The following GABRG3 variants were observed in gnomAD, a reference collection of about 807,000 sequenced individuals.
GABRG3 encodes gamma-aminobutyric acid type A receptor subunit gamma3, also known as gamma-aminobutyric acid receptor subunit gamma-3.
A neutral mutation model predicts 48.8 loss-of-function variants in GABRG3; 25 were observed. The observed-to-expected ratio is 0.51, with a 90% CI of 0.37 to 0.72. The LOEUF is 0.72. GABRG3 is among the 30% of genes least tolerant of loss of function. GABRG3 has a pLI of 0.00. For synonymous variants in GABRG3, 227 were observed against 217.6 expected, an observed-to-expected ratio of 1.04 and a Z score of -0.38; for missense variants, 394 against 577.9, an observed-to-expected ratio of 0.68 and a Z score of 3.26.
intron 3 of GABRG3, among the ~76,000 whole-genome samples, chr15:27,056,208 A>C (rs2140716941): frequency 6.6e-6 from 1 of 151,840 alleles, no homozygotes; most frequent in Non-Finnish European, 1.5e-5. Flanking sequence ...ATAATGAGCC[A>C]GGTGTGGTGG....
chr15:27,100,701 A>T (rs935521694), intron 3 of GABRG3, among the ~76,000 whole-genome samples: 2 of 152,214 alleles, frequency 1.3e-5, no homozygotes, highest in African/African-American at 4.8e-5. Flanking sequence ...GATCCACCAT[A>T]TTACAGGCAA....
chr15:27,155,955 C>T (rs925266148), intron 3 of GABRG3, among the ~76,000 whole-genome samples: 4 of 152,052 alleles, frequency 2.6e-5, no homozygotes, highest in African/African-American at 9.7e-5. Flanking sequence ...AAGCCAAGTC[C>T]ACCATTTTAT....
At chr15:27,459,713 C>T (rs1207096672) in intron 5 of GABRG3, among the ~76,000 whole-genome samples, 2 of 152,134 alleles carry the variant, frequency 1.3e-5, no homozygotes. Context: ...CAACACTGGT[C>T]ATTAGATGGT....
At chr15:27,120,493 C>G (rs1897712429) in intron 3 of GABRG3, among the ~76,000 whole-genome samples, 1 of 152,120 alleles carries the variant, frequency 6.6e-6, no homozygotes, top group African/African-American at 2.4e-5. Context: ...GGAATTCTGG[C>G]TATTGCTTTT....
rs140633306 is a variant in GABRG3 at position 27,409,319 on chromosome 15, A to C, written c.575-71331A>C. Reference sequence around the variant, plus strand: ...TTTGGTGCGGGGGCTATGAATGTCCAATTTTTCAAGCACCATTTGTTGAGA... The same window carrying C: ...TTTGGTGCGGGGGCTATGAATGTCCCATTTTTCAAGCACCATTTGTTGAGA... On this transcript the variant is annotated intron_variant, in intron 5 of 9. Transcript: ENST00000615808. Among the ~76,000 whole-genome samples, 294 of 152,230 alleles carry C rather than the reference A, an allele frequency of 1.9e-3. 2 individuals carry two copies. The highest frequency in any genetic ancestry group is 6.9e-3 in the African/African-American group (286 of 41,546).
chr15:27,033,241 G>C (rs968695030), intron 3 of GABRG3, among the ~76,000 whole-genome samples: 1 of 151,966 alleles, frequency 6.6e-6, no homozygotes, highest in Non-Finnish European at 1.5e-5. Context: ...ACAAGTTCTC[G>C]GGGGAAGTGG....
chr15:27,242,630 C>A (rs1422897804), intron 3 of GABRG3, among the ~76,000 whole-genome samples: 1 of 152,180 alleles, frequency 6.6e-6, no homozygotes, highest in Non-Finnish European at 1.5e-5. Context: ...CAAACCCATG[C>A]TCAATTTACG....
intron 5 of GABRG3, among the ~76,000 whole-genome samples, chr15:27,338,264 T>C (rs1259084438): frequency 6.6e-6 from 1 of 152,156 alleles, no homozygotes; most frequent in Non-Finnish European, 1.5e-5. Context: ...AAGTTATCCA[T>C]CAACACACTT....
intron 5 of GABRG3, among the ~76,000 whole-genome samples, chr15:27,335,340 CTT>C: frequency 6.6e-6 from 1 of 152,180 alleles, no homozygotes; most frequent in African/African-American, 2.4e-5. Context: ...AGCTGCACCA[CTT>C]TACATTTTCA....
intron 5 of GABRG3, among the ~76,000 whole-genome samples, chr15:27,464,297 G>C (rs536687644): frequency 6.6e-6 from 1 of 152,154 alleles, no homozygotes; most frequent in African/African-American, 2.4e-5. Flanking sequence ...GGCAACCACT[G>C]ATCTATTTTC....
intron 3 of GABRG3, among the ~76,000 whole-genome samples, chr15:27,262,558 G>A (rs150237824): frequency 2.5e-3 from 385 of 152,252 alleles, no homozygotes; most frequent in African/African-American, 7.1e-3. Flanking sequence ...ACACATTTCC[G>A]TCACATGTTT....
intron 3 of GABRG3, among the ~76,000 whole-genome samples, chr15:27,238,338 C>CCAG (rs1199041478): frequency 2.6e-5 from 4 of 152,198 alleles, no homozygotes; most frequent in African/African-American, 9.6e-5. Flanking sequence ...GCAAACTTGC[C>CCAG]CAGCAGCCTG....
At position 27,234,558 on chromosome 15, in the gene GABRG3, C is replaced by T. The variant is rs76764694; in HGVS notation, c.271-92251C>T. On this transcript the variant is annotated intron_variant, in intron 3 of 9. Transcript: ENST00000615808. Reference sequence around the variant, plus strand: ...TCTGCCTTTCTCCTCTTCTTTATCACACACATGAGGAGGGTACACATTCTC... The same window carrying T: ...TCTGCCTTTCTCCTCTTCTTTATCATACACATGAGGAGGGTACACATTCTC... 5.8e-3 allele frequency among the ~76,000 whole-genome samples: 878 copies of T among 152,254 alleles called. 27 individuals carry two copies. The South Asian group carries it at 0.069, about 12-fold the overall frequency.
chr15:27,271,969 C>T (rs554768627), intron 3 of GABRG3, among the ~76,000 whole-genome samples: 18 of 152,250 alleles, frequency 1.2e-4, no homozygotes, highest in Non-Finnish European at 1.9e-4. Flanking sequence ...GTGACTATTC[C>T]GCTTCCCTCT....
At chr15:27,231,121 T>C (rs1889784378) in intron 3 of GABRG3, among the ~76,000 whole-genome samples, 2 of 151,792 alleles carry the variant, frequency 1.3e-5, no homozygotes, top group African/African-American at 4.8e-5. Context: ...ATAGGAAATA[T>C]CAAATATCCA....
intron 5 of GABRG3, among the ~76,000 whole-genome samples, chr15:27,463,731 G>A (rs57192454): frequency 0.05 from 7,631 of 152,190 alleles, 610 homozygotes; most frequent in African/African-American, 0.18. Context: ...ACACGGAGCC[G>A]AGTCCAGACA....
At chr15:27,415,128 G>A (rs1436792153) in intron 5 of GABRG3, among the ~76,000 whole-genome samples, 1 of 152,140 alleles carries the variant, frequency 6.6e-6, no homozygotes, top group Non-Finnish European at 1.5e-5. Context: ...TATTAAAGAT[G>A]TTGTCTTTTC....
chr15:27,276,640 T>A (rs534067371), intron 3 of GABRG3, among the ~76,000 whole-genome samples: 3 of 152,092 alleles, frequency 2.0e-5, no homozygotes, highest in East Asian at 1.9e-4. Flanking sequence ...CTTTTTTTTT[T>A]AAGGAATTTT....
At chr15:27,044,867 C>T (rs11263699) in intron 3 of GABRG3, among the ~76,000 whole-genome samples, 4 of 152,086 alleles carry the variant, frequency 2.6e-5, no homozygotes, top group Admixed American at 6.5e-5. Context: ...GGCTGAGACT[C>T]AATTATTTGT....
Sources: allele counts gnomAD v4.1 joint callset (sites outside exome capture counted in the v4.1 genomes callset), GRCh38; gene constraint gnomAD v4.1.1; transcripts MANE v1.5; gene names NCBI Gene and HGNC (gene_info 2026-07-23, HGNC 2026-07-21).